Variants in CSMD1 observed in about 807,000 individuals in gnomAD.
CSMD1 encodes CUB and sushi domain-containing protein 1.
CSMD1 carries 213 observed loss-of-function variants against 417.5 expected under a neutral mutation model. The observed-to-expected ratio is 0.51, with a 90% CI of 0.46 to 0.57. The LOEUF is 0.57. CSMD1 is among the 20% of genes least tolerant of loss of function. The pLI, the probability that CSMD1 is intolerant of heterozygous loss-of-function variation, is 0.00. For synonymous variants in CSMD1, 2,862 were observed against 1,736.8 expected, an observed-to-expected ratio of 1.65 and a Z score of -16.11; for missense variants, 6,923 against 4,529.7, an observed-to-expected ratio of 1.53 and a Z score of -15.17.
chr8:4,925,583 G>A (rs1486102135), intron 1 of CSMD1, among the ~76,000 whole-genome samples: 6 of 142,836 alleles, frequency 4.2e-5, no homozygotes, highest in African/African-American at 1.6e-4. Flanking sequence ...GTCTCGCTCT[G>A]TCTCCCAGGC....
At chr8:4,017,364 G>T (rs1172690555) in intron 4 of CSMD1, among the ~76,000 whole-genome samples, 1 of 152,134 alleles carries the variant, frequency 6.6e-6, no homozygotes, top group Non-Finnish European at 1.5e-5. Flanking sequence ...GGAGTGCAAT[G>T]GTGCGATCTT....
intron 5 of CSMD1, among the ~76,000 whole-genome samples, chr8:3,988,303 A>G (rs1184343837): frequency 6.6e-6 from 1 of 152,228 alleles, no homozygotes; most frequent in Admixed American, 6.5e-5. Context: ...CAGGATTTCA[A>G]CAGAGACAAA....
intron 1 of CSMD1, among the ~76,000 whole-genome samples, chr8:4,702,278 C>G: frequency 6.6e-6 from 1 of 152,134 alleles, no homozygotes; most frequent in East Asian, 1.9e-4. Flanking sequence ...AATAAAAAAT[C>G]AACAGGTTGC....
rs535860698 is a variant in CSMD1, at chr8:4,473,763, G to A, written c.303-53698C>T. ...AATGTTAGTTTCTTTTCAACCAAATGGCTTTGGGTTTTCTTTTAACCTATT... is the reference window on the plus strand; with the variant it reads ...AATGTTAGTTTCTTTTCAACCAAATAGCTTTGGGTTTTCTTTTAACCTATT... On this transcript the variant is annotated intron_variant, in intron 2 of 69. Transcript: ENST00000635120. Among the ~76,000 whole-genome samples the A allele has an allele frequency of 9.2e-5, 14 of 152,232 alleles. 1 individual carries two copies. Among genetic ancestry groups the A allele is most frequent in the Middle Eastern group, 3.4e-3 (1 of 292 alleles).
chr8:4,140,030 G>T (rs894032367), intron 3 of CSMD1, among the ~76,000 whole-genome samples: 1 of 150,892 alleles, frequency 6.6e-6, no homozygotes, highest in Non-Finnish European at 1.5e-5. Context: ...AATTTGCCTG[G>T]AAGGATAGAA....
intron 25 of CSMD1, among the ~76,000 whole-genome samples, chr8:3,291,455 C>T (rs745899866): frequency 6.6e-6 from 1 of 152,124 alleles, no homozygotes; most frequent in Admixed American, 6.6e-5. Flanking sequence ...CCATCTGGTC[C>T]TCGACTTTTT....
At chr8:3,667,423 A>C (rs1460556245) in intron 7 of CSMD1, among the ~76,000 whole-genome samples, 1 of 150,386 alleles carries the variant, frequency 6.6e-6, no homozygotes, top group Non-Finnish European at 1.5e-5. Flanking sequence ...CTTGGGGAAG[A>C]GATTTTGGAT....
intron 2 of CSMD1, among the ~76,000 whole-genome samples, chr8:4,421,600 G>C (rs62480999): frequency 0.12 from 18,874 of 151,944 alleles, 1,386 homozygotes; most frequent in East Asian, 0.29. Flanking sequence ...GGGCCAAAGA[G>C]AAAGTCTCAA....
At chr8:3,643,698 C>G (rs1200468031) in intron 7 of CSMD1, among the ~76,000 whole-genome samples, 1 of 66,242 alleles carries the variant, frequency 1.5e-5, no homozygotes, top group Non-Finnish European at 2.8e-5. Context: ...GAGACTCCGT[C>G]TCAAAAAAAA....
chr8:4,920,122 T>C (rs1192100323), intron 1 of CSMD1, among the ~76,000 whole-genome samples: 8 of 152,204 alleles, frequency 5.3e-5, no homozygotes, highest in Non-Finnish European at 4.4e-5. Context: ...AGGTAGGTTA[T>C]CATGAAAATT....
chr8:3,795,997 C>CATGTATAGATATAGATATA, intron 5 of CSMD1, among the ~76,000 whole-genome samples: 1 of 64,294 alleles, frequency 1.6e-5, no homozygotes, highest in African/African-American at 5.0e-5. Context: ...AGATATATAT[C>CATGTATAGATATAGATATA]TATCATGTAT....
At chr8:3,235,353 G>C (rs1447693090) in intron 26 of CSMD1, among the ~76,000 whole-genome samples, 1 of 152,036 alleles carries the variant, frequency 6.6e-6, no homozygotes, top group Non-Finnish European at 1.5e-5. Context: ...TCACTACTAG[G>C]AAAGTTTTAC....
chr8:3,037,051 C>G (rs1392920456), intron 50 of CSMD1, among the ~76,000 whole-genome samples: 2 of 152,150 alleles, frequency 1.3e-5, no homozygotes, highest in Admixed American at 1.3e-4. Context: ...TGGGCTCCCA[C>G]TTAAAAGTGA....
At chr8:4,045,309 G>C (rs559388853) in intron 3 of CSMD1, among the ~76,000 whole-genome samples, 11 of 152,286 alleles carry the variant, frequency 7.2e-5, no homozygotes, top group African/African-American at 2.4e-4. Context: ...TCCTTATAGG[G>C]TTAGGCAGGT....
intron 49 of CSMD1, among the ~76,000 whole-genome samples, chr8:3,075,817 G>A (rs1346560301): frequency 2.0e-5 from 3 of 151,454 alleles, no homozygotes; most frequent in African/African-American, 7.3e-5. Context: ...CAAGGCGGGT[G>A]GATCACAAGG....
At chr8:3,112,617 G>A (rs1462201306) in intron 42 of CSMD1, among the ~76,000 whole-genome samples, 1 of 152,170 alleles carries the variant, frequency 6.6e-6, no homozygotes, top group Non-Finnish European at 1.5e-5. Context: ...TACTGAGAGT[G>A]GGTTATGTAC....
At chr8:3,244,672 G>C (rs1194424477) in intron 26 of CSMD1, among the ~76,000 whole-genome samples, 1 of 152,192 alleles carries the variant, frequency 6.6e-6, no homozygotes, top group Non-Finnish European at 1.5e-5. Flanking sequence ...GAATGTGGCT[G>C]ACAATCTGAG....
rs548597201 is a variant in CSMD1, at chr8:3,904,344, A to C, written c.818+93559T>G. ...ATCAAGCCCAGTCCTACAAATAGAA[A>C]ATATGTGACAGATTCACACTAACTC... On this transcript the variant is annotated intron_variant, in intron 5 of 69. Transcript: ENST00000635120. 3.3e-5 allele frequency among the ~76,000 whole-genome samples: 5 copies of C among 152,252 alleles called. No individual in the cohort carries two copies. In the East Asian group the frequency reaches 7.7e-4, roughly 24 times the overall value.
intron 52 of CSMD1, among the ~76,000 whole-genome samples, chr8:3,003,588 T>C (rs955692304): frequency 2.0e-5 from 3 of 152,208 alleles, no homozygotes; most frequent in Non-Finnish European, 2.9e-5. Flanking sequence ...TTGACAATAA[T>C]TTCATGATGA....
Sources: gnomAD v4.1 joint callset for allele counts (sites outside exome capture counted in the v4.1 genomes callset) on GRCh38, gnomAD v4.1.1 for gene constraint, MANE v1.5 for transcripts, NCBI Gene and HGNC (gene_info 2026-07-23, HGNC 2026-07-21) for gene names.